The following C1QL2 variants were observed in gnomAD, a reference collection of about 807,000 sequenced individuals.
C1QL2 encodes the protein complement C1q-like protein 2.
Under a neutral mutation model 16.6 loss-of-function variants are expected in C1QL2, and 13 were observed. The observed-to-expected ratio is 0.78, with a 90% CI of 0.51 to 1.25. The LOEUF is 1.25. C1QL2 is among the 50% of genes most tolerant of loss of function. C1QL2 has a pLI of 0.00. For missense variants in C1QL2, 396 were observed against 409.6 expected (o/e 0.97, Z 0.29); for synonymous variants, 210 against 183.2 (o/e 1.15, Z -1.18).
At position 119,157,580 on chromosome 2, in the gene C1QL2, A is replaced by T; in HGVS notation, c.684+6T>A. On this transcript the variant is annotated splice_donor_region_variant and intron_variant, in intron 1 of 1. Coordinates refer to ENST00000272520, the MANE Select transcript of C1QL2 (RefSeq NM_182528.4). ...ACGGGGGCCGGTGAGTGTAGGGGTC[A>T]CTGACCTGCCCGTTCTTGCAGAGGT... 6.2e-7 allele frequency: 1 copy of T among 1,613,704 alleles called. No homozygotes were observed. The highest frequency in any genetic ancestry group is 8.5e-7 in the Non-Finnish European group (1 of 1,179,944).
rs753998926 is a variant in C1QL2, at chr2:119,158,227, C to T, written c.43G>A (p.Ala15Thr). 1.5e-5 allele frequency: 23 copies of T among 1,573,232 alleles called. No individual in the cohort carries two copies. The highest frequency in any genetic ancestry group is 4.3e-5 in the African/African-American group (3 of 70,562). Residue 15 changes from alanine (A) to threonine (T), a missense_variant, in exon 1 of 2, where the codon GCG becomes ACG. Physicochemically the swap from Ala to Thr is moderately conservative, Grantham distance 58. This residue lies in a region of C1QL2 where 353 missense variants were observed against 334.8 expected (regional missense o/e 1.05). Coordinates refer to ENST00000272520, the MANE Select transcript of C1QL2 (RefSeq NM_182528.4). ...LLIAVPLLLQAAPRGAAHYEM... is the reference protein window; with the variant it reads ...LLIAVPLLLQTAPRGAAHYEM... ...TAGTGCGCGGCGCCTCGGGGCGCCG[C>T]CTGCAGCAGCAGCGGCACGGCGATG...
chr2:119,158,249 G>T lies in C1QL2; in HGVS notation c.21C>A (p.Ile7=), dbSNP rs780507498. 209 of 1,564,754 alleles carry T rather than the reference G, an allele frequency of 1.3e-4. 1 individual carries two copies. The Middle Eastern group carries it at 3.7e-3, about 28-fold the overall frequency. MALGLL[I]AVPLLLQAAP... ...CCGCCTGCAGCAGCAGCGGCACGGC[G>T]ATGAGCAGCCCGAGCGCCATGGCCA... Residue 7 remains isoleucine, a synonymous_variant, in exon 1 of 2, where the codon ATC becomes ATA. Transcript: ENST00000272520.
In C1QL2 at chr2:119,156,996, T is replaced by C; in HGVS notation, c.685-15A>G. On this transcript the variant is annotated splice_polypyrimidine_tract_variant and intron_variant, in intron 1 of 1. Transcript: ENST00000272520. ...CTGGCCCGGACCTGGGGACAAGCGG[T>C]GGGAGCAGGTGAGCCGGGGCACCTC... is the stretch of plus-strand genomic sequence containing the variant. 6.2e-7 allele frequency: 1 copy of C among 1,612,014 alleles called. No homozygotes were observed. The highest frequency in any genetic ancestry group is 1.1e-5 in the South Asian group (1 of 90,966).
rs935698403 is a variant in C1QL2 at position 119,158,550 on chromosome 2, C to G, written c.-281G>C. 2 of 227,806 alleles carry G rather than the reference C, an allele frequency of 8.8e-6. No homozygotes were observed. The highest frequency in any genetic ancestry group is 4.6e-5 in the African/African-American group (2 of 43,798). 14.1% of individuals were successfully genotyped at this position (227,806 alleles called of 1,614,324 possible). On this transcript the variant is annotated 5_prime_UTR_variant, in exon 1 of 2. Coordinates refer to ENST00000272520, the MANE Select transcript of C1QL2 (RefSeq NM_182528.4). Reference sequence around the variant, plus strand: ...GCTGGTCGGGAGAGCCGCGGACGCCCGCGCGCATGACGTGGGGCACACAAG... The same window carrying G: ...GCTGGTCGGGAGAGCCGCGGACGCCGGCGCGCATGACGTGGGGCACACAAG...
In C1QL2 at chr2:119,158,462, C is replaced by T; in HGVS notation, c.-193G>A. 2.9e-6 allele frequency: 1 copy of T among 349,212 alleles called. No homozygotes were observed. The highest frequency in any genetic ancestry group is 4.9e-6 in the Non-Finnish European group (1 of 202,754). The allele number at this position is 349,212 out of a possible 1,614,324, so 21.6% of individuals were successfully genotyped here. ...CCCCCGACGTGGCGACCCCCAGCCC[C>T]GGCTACCCAACTACTTCAGCGAGAG... On this transcript the variant is annotated 5_prime_UTR_variant, in exon 1 of 2. Transcript: ENST00000272520.
At chr2:119,157,151 C>G (rs914164942) in intron 1 of C1QL2, among the ~76,000 whole-genome samples, 170 bp from the exon 2 acceptor site, 1 of 152,226 alleles carries the variant, frequency 6.6e-6, no homozygotes, top group East Asian at 1.9e-4. Context: ...CCAGGTCCCC[C>G]CTCCTCCTCG....
chr2:119,157,125 A>C, intron 1 of C1QL2, 144 bp from the exon 2 acceptor site: 1 of 926,812 alleles, frequency 1.1e-6, no homozygotes, highest in Non-Finnish European at 1.6e-6. Context: ...TCTCTCTCCA[A>C]CTTAGTCAAC....
Position 119,158,370 on chromosome 2 carries a change from A to C in C1QL2, c.-101T>G. On this transcript the variant is annotated 5_prime_UTR_variant, in exon 1 of 2. Coordinates refer to ENST00000272520, the MANE Select transcript of C1QL2 (RefSeq NM_182528.4). Reference sequence around the variant, plus strand: ...CTCCTCCTTGCCGCCCGGGGAGGTAATGGTGGGGCGGCGCGGGCGGCCCCG... The same window carrying C: ...CTCCTCCTTGCCGCCCGGGGAGGTACTGGTGGGGCGGCGCGGGCGGCCCCG... 2 of 1,056,424 alleles carry C rather than the reference A, an allele frequency of 1.9e-6. No homozygotes were observed. The highest frequency in any genetic ancestry group is 2.4e-6 in the Non-Finnish European group (2 of 825,018). The allele number at this position is 1,056,424 out of a possible 1,614,324, so 65.4% of individuals were successfully genotyped here.
chr2:119,158,198 C>T lies in C1QL2; in HGVS notation c.72G>A (p.Glu24=), dbSNP rs1677997721. ...AGATCATGCGGCAGGTGCCCATCAT[C>T]TCATAGTGCGCGGCGCCTCGGGGCG... ...QAAPRGAAHY[E]MMGTCRMICD... Residue 24 remains glutamate, a synonymous_variant, in exon 1 of 2, where the codon GAG becomes GAA. Coordinates refer to ENST00000272520, the MANE Select transcript of C1QL2 (RefSeq NM_182528.4). 1 of 1,578,034 alleles carries T rather than the reference C, an allele frequency of 6.3e-7. No individual in the cohort carries two copies. The highest frequency in any genetic ancestry group is 1.8e-5 in the Admixed American group (1 of 56,132).
In C1QL2 at chr2:119,158,204, G is replaced by C. The variant is rs1362936152; in HGVS notation, c.66C>G (p.His22Gln). 1 of 1,576,820 alleles carries C rather than the reference G, an allele frequency of 6.3e-7. No individual in the cohort carries two copies. Among genetic ancestry groups the C allele is most frequent in the East Asian group, 2.5e-5 (1 of 40,756 alleles). The change falls in exon 1 of 2, where the codon CAC becomes CAG. Residue 22 changes from histidine (H) to glutamine (Q), a missense_variant. His to Gln is a conservative substitution (Grantham distance 24). Transcript: ENST00000272520. ...TGCGGCAGGTGCCCATCATCTCATA[G>C]TGCGCGGCGCCTCGGGGCGCCGCCT... ...LLQAAPRGAA[H>Q]YEMMGTCRMI...
chr2:119,158,407 C>T lies in C1QL2; in HGVS notation c.-138G>A, dbSNP rs1678003873. 3 of 663,296 alleles carry T rather than the reference C, an allele frequency of 4.5e-6. No individual in the cohort carries two copies. Among genetic ancestry groups the T allele is most frequent in the Non-Finnish European group, 6.3e-6 (3 of 479,874 alleles). The allele number at this position is 663,296 out of a possible 1,614,324, so 41.1% of individuals were successfully genotyped here. ...CGCGGGCGGCCCCGCTCCCCGCGCT[C>T]GGGGACCGGCTCCGCGGGTCCTGGC... On this transcript the variant is annotated 5_prime_UTR_variant, in exon 1 of 2. Transcript: ENST00000272520.
At position 119,157,917 on chromosome 2, in the gene C1QL2, C is replaced by A; in HGVS notation, c.353G>T (p.Gly118Val). 1 of 1,554,468 alleles carries A rather than the reference C, an allele frequency of 6.4e-7. No individual in the cohort carries two copies. Among genetic ancestry groups the A allele is most frequent in the Non-Finnish European group, 8.7e-7 (1 of 1,149,034 alleles). Reference protein sequence around the residue: ...KGDSGRPGLPGLQLTAGTASG... With the variant: ...KGDSGRPGLPVLQLTAGTASG... Reference sequence around the variant, plus strand: ...GGCCGTGCCCGCCGTCAGTTGCAGCCCTGGCAGCCCGGGCCGCCCCGAGTC... The same window carrying A: ...GGCCGTGCCCGCCGTCAGTTGCAGCACTGGCAGCCCGGGCCGCCCCGAGTC... Residue 118 changes from glycine (G) to valine (V), a missense_variant, in exon 1 of 2, where the codon GGG becomes GTG. Coordinates refer to ENST00000272520, the MANE Select transcript of C1QL2 (RefSeq NM_182528.4).
chr2:119,157,629 C>G lies in C1QL2; in HGVS notation c.641G>C (p.Gly214Ala). ...GTCCGCCCACATGCTGGTGCCGTCG[C>G]CGCCGCGCATGAGGATGTGGTAGGT... is the stretch of plus-strand genomic sequence containing the variant. ...FFTYHILMRG[G>A]DGTSMWADLC... The change falls in exon 1 of 2, where the codon GGC becomes GCC. Residue 214 changes from glycine (G) to alanine (A), a missense_variant. By Grantham distance (60) the Gly-to-Ala change is moderately conservative. Around this residue, in one of 2 missense-constraint regions of C1QL2, gnomAD observed 353 missense variants for 334.8 expected, o/e 1.05. Coordinates refer to ENST00000272520, the MANE Select transcript of C1QL2 (RefSeq NM_182528.4). 6.2e-7 allele frequency: 1 copy of G among 1,614,188 alleles called. No individual in the cohort carries two copies.
rs1677981118 is a variant in C1QL2, at chr2:119,157,496, C to T, written c.684+90G>A. The stretch of plus-strand genomic sequence containing the variant: ...CATTCCCGGGGCTCGCAGGGTAGCC[C>T]GCGGGTGGAGAGAAAGGAGGCTGGT... On this transcript the variant is annotated intron_variant, in intron 1 of 1. Coordinates refer to ENST00000272520, the MANE Select transcript of C1QL2 (RefSeq NM_182528.4). The T allele has an allele frequency of 2.7e-6, 4 of 1,471,790 alleles. No individual in the cohort carries two copies. The South Asian group carries it at 3.6e-5, about 13-fold the overall frequency. The allele number at this position is 1,471,790 out of a possible 1,614,324, so 91.2% of individuals were successfully genotyped here. A position where few individuals can be genotyped will look rare whatever the true frequency, so the allele number is the denominator to read the frequency against.
rs1388431579 is a variant in C1QL2 at position 119,156,774 on chromosome 2, GC to G, written c.*27del. The G allele has an allele frequency of 6.2e-7, 1 of 1,603,416 alleles. No homozygotes were observed. Among genetic ancestry groups the G allele is most frequent in the Admixed American group, 1.7e-5 (1 of 58,680 alleles). ...CCGGGCGGAGACCGGGCGGCCTGCA[GC>G]CACCCCGCCTCGCACCCCCCGCGCC... On this transcript the variant is annotated 3_prime_UTR_variant, in exon 2 of 2. Transcript: ENST00000272520.
chr2:119,158,678 C>T lies in C1QL2; in HGVS notation c.-409G>A, dbSNP rs868130348. ...GCGCTGGCTCCGCGGCGCTGCCTCC[C>T]GCCAGGCTCCGCTCCGCTGGGTTTA... is the stretch of plus-strand genomic sequence containing the variant. On this transcript the variant is annotated 5_prime_UTR_variant, in exon 1 of 2. Coordinates refer to ENST00000272520, the MANE Select transcript of C1QL2 (RefSeq NM_182528.4). 2.0e-5 allele frequency: 3 copies of T among 153,324 alleles called. No homozygotes were observed. The highest frequency in any genetic ancestry group is 4.4e-5 in the Non-Finnish European group (3 of 68,926). 9.5% of individuals were successfully genotyped at this position (153,324 alleles called of 1,614,324 possible). A position where few individuals can be genotyped will look rare whatever the true frequency, so the allele number is the denominator to read the frequency against.
chr2:119,156,505 T>TC lies in C1QL2; in HGVS notation c.*296dup. The TC allele has an allele frequency of 3.9e-6, 1 of 258,164 alleles. No individual in the cohort carries two copies. Among genetic ancestry groups the TC allele is most frequent in the Non-Finnish European group, 7.4e-6 (1 of 135,682 alleles). 16.0% of individuals were successfully genotyped at this position (258,164 alleles called of 1,614,324 possible). On this transcript the variant is annotated 3_prime_UTR_variant, in exon 2 of 2. Coordinates refer to ENST00000272520, the MANE Select transcript of C1QL2 (RefSeq NM_182528.4). Reference sequence around the variant, plus strand: ...AGGAGGCTGTCTGAGGAGGGCAGGCTCCCGGCCCTGCCTGTCCAGTCTAAT... The same window carrying TC: ...AGGAGGCTGTCTGAGGAGGGCAGGCTCCCCGGCCCTGCCTGTCCAGTCTAAT...
chr2:119,158,126 C>T lies in C1QL2; in HGVS notation c.144G>A (p.Lys48=). 1 of 1,547,902 alleles carries T rather than the reference C, an allele frequency of 6.5e-7. No homozygotes were observed. The highest frequency in any genetic ancestry group is 8.7e-7 in the Non-Finnish European group (1 of 1,149,012). Residue 48 remains lysine (K), a synonymous_variant, in exon 1 of 2, where the codon AAG becomes AAA. Coordinates refer to ENST00000272520, the MANE Select transcript of C1QL2 (RefSeq NM_182528.4). ...AAPGGEPPGA[K]AQPPGPSTAA... The stretch of plus-strand genomic sequence containing the variant: ...CGGTGCTGGGTCCGGGTGGCTGCGC[C>T]TTTGCACCCGGGGGCTCCCCGCCGG...
At position 119,158,147 on chromosome 2, in the gene C1QL2, G is replaced by T. The variant is rs754297699; in HGVS notation, c.123C>A (p.Gly41=). The change falls in exon 1 of 2, where the codon GGC becomes GGA. Residue 41 remains glycine, a synonymous_variant. Transcript: ENST00000272520. ...MICDPYTAAP[G]GEPPGAKAQP... The stretch of plus-strand genomic sequence containing the variant: ...GCGCCTTTGCACCCGGGGGCTCCCC[G>T]CCGGGCGCGGCAGTGTAAGGGTCGC... The T allele has an allele frequency of 1.0e-4, 160 of 1,564,226 alleles. No individual in the cohort carries two copies. The highest frequency in any genetic ancestry group is 1.4e-4 in the Non-Finnish European group (157 of 1,157,966).
Sources: gnomAD v4.1 joint callset for allele counts (sites outside exome capture counted in the v4.1 genomes callset) on GRCh38, gnomAD v4.1.1 for gene constraint, gnomAD v4.1.1 regional missense constraint, MANE v1.5 for transcripts, NCBI Gene and HGNC (gene_info 2026-07-23, HGNC 2026-07-21) for gene names.